Variants in COL13A1 observed in about 807,000 individuals in gnomAD.
The protein encoded by COL13A1 is collagen alpha-1(XIII) chain.
A neutral mutation model predicts 130.9 loss-of-function variants in COL13A1; 89 were observed. The observed-to-expected ratio is 0.68, with a 90% CI of 0.57 to 0.81. COL13A1 has a LOEUF of 0.81. COL13A1 is among the 30% of genes least tolerant of loss of function. The pLI is 0.00. For synonymous variants in COL13A1, 402 were observed against 341.6 expected (o/e 1.18, Z -1.95); for missense variants, 879 against 934.6 (o/e 0.94, Z 0.78).
chr10:69,922,580 A>G, intron 22 of COL13A1, 128 bp from the exon 23 acceptor site: 2 of 560,200 alleles, frequency 3.6e-6, no homozygotes, highest in Non-Finnish European at 6.1e-6. Context: ...GCTGGATCAG[A>G]TAAATCTGGG....
Position 69,898,722 on chromosome 10 carries a change from G to A in COL13A1, c.710G>A (p.Arg237Gln), listed in dbSNP as rs200447906. 1.4e-3 allele frequency: 2,316 copies of A among 1,613,350 alleles called. 5 individuals carry two copies. Among genetic ancestry groups the A allele is most frequent in the Non-Finnish European group, 1.8e-3 (2,127 of 1,179,616 alleles). Reference sequence around the variant, plus strand: ...CTGCTGCCTCTCCTCAATTCAGTGCGACTGGCTCCACCCCCGGTCATAAAA... The same window carrying A: ...CTGCTGCCTCTCCTCAATTCAGTGCAACTGGCTCCACCCCCGGTCATAAAA... Reference protein sequence around the residue: ...HRLLPLLNSVRLAPPPVIKRR... With the variant: ...HRLLPLLNSVQLAPPPVIKRR... Residue 237 changes from arginine to glutamine, a missense_variant, in exon 14 of 41, where the codon CGA becomes CAA. Arg to Gln is a conservative substitution (Grantham distance 43). Coordinates refer to ENST00000645393, the MANE Select transcript of COL13A1 (RefSeq NM_001368882.1).
chr10:69,884,118 G>A (rs1179725395), intron 7 of COL13A1, among the ~76,000 whole-genome samples: 1 of 152,188 alleles, frequency 6.6e-6, no homozygotes, highest in Non-Finnish European at 1.5e-5. Flanking sequence ...TGAGTGTGAT[G>A]AGTTAGAGAT....
chr10:69,872,959 A>C (rs931817595), intron 4 of COL13A1, among the ~76,000 whole-genome samples: 2 of 152,010 alleles, frequency 1.3e-5, no homozygotes, highest in African/African-American at 2.4e-5. Flanking sequence ...TTCAAAACCC[A>C]CCTTTAAAGT....
chr10:69,918,286 G>A lies in COL13A1; in HGVS notation c.968G>A (p.Gly323Glu). 6.2e-7 allele frequency: 1 copy of A among 1,612,796 alleles called. No individual in the cohort carries two copies. Among genetic ancestry groups the A allele is most frequent in the Non-Finnish European group, 8.5e-7 (1 of 1,179,472 alleles). ...PGMPGKHGAK[G>E]APGIAVAGMK... ...CCTTTTTTTTTCTCTCTCTGCCAGG[G>A]GGCGCCCGGAATTGCCGTGGCTGGG... Residue 323 changes from glycine (G) to glutamate (E), a missense_variant and splice_region_variant, in exon 19 of 41, where the codon GGG becomes GAG. Physicochemically the swap from Gly to Glu is moderately conservative, Grantham distance 98. Around this residue, in one of 3 missense-constraint regions of COL13A1, gnomAD observed 715 missense variants for 721.0 expected, o/e 0.99. Coordinates refer to ENST00000645393, the MANE Select transcript of COL13A1 (RefSeq NM_001368882.1).
At chr10:69,884,270 G>A (rs574247222) in intron 7 of COL13A1, among the ~76,000 whole-genome samples, 2 of 152,314 alleles carry the variant, frequency 1.3e-5, no homozygotes, top group Non-Finnish European at 2.9e-5. Context: ...CATGTTGGTA[G>A]CTTGAAATCG....
intron 35 of COL13A1, among the ~76,000 whole-genome samples, chr10:69,943,063 G>A (rs993837206): frequency 6.6e-6 from 1 of 152,172 alleles, no homozygotes; most frequent in East Asian, 1.9e-4. Flanking sequence ...GGCCAGACCG[G>A]TCTTGAACTC....
chr10:69,885,868 C>T (rs559142388), intron 7 of COL13A1, among the ~76,000 whole-genome samples: 47 of 152,264 alleles, frequency 3.1e-4, no homozygotes, highest in African/African-American at 1.1e-3. Flanking sequence ...GATCTCCTCC[C>T]TCGTGCCCTT....
intron 1 of COL13A1, among the ~76,000 whole-genome samples, chr10:69,810,532 G>T (rs548179071): frequency 6.6e-6 from 1 of 152,280 alleles, no homozygotes; most frequent in African/African-American, 2.4e-5. Flanking sequence ...GCACTGGGAG[G>T]TTTGAAGAAG....
chr10:69,929,729 G>A (rs1181002214), intron 28 of COL13A1, among the ~76,000 whole-genome samples: 1 of 152,170 alleles, frequency 6.6e-6, no homozygotes, highest in Admixed American at 6.5e-5. Flanking sequence ...GGGAGCCAAG[G>A]GCGCCTAGGG....
intron 1 of COL13A1, among the ~76,000 whole-genome samples, chr10:69,816,550 T>C (rs1010650129): frequency 5.3e-5 from 8 of 151,996 alleles, no homozygotes; most frequent in African/African-American, 1.9e-4. Flanking sequence ...AGGGAGCCAG[T>C]GTCTAGAGAA....
At chr10:69,809,619 C>T (rs554747803) in intron 1 of COL13A1, among the ~76,000 whole-genome samples, 1 of 152,360 alleles carries the variant, frequency 6.6e-6, no homozygotes, top group Non-Finnish European at 1.5e-5. Context: ...CTAGGATGTA[C>T]TTGTCTGTAT....
rs766688015 is a variant in COL13A1 at position 69,888,307 on chromosome 10, C to T, written c.553C>T (p.Pro185Ser). Residue 185 changes from proline (P) to serine (S), a missense_variant, in exon 9 of 41, where the codon CCC (proline) becomes TCC (serine). Coordinates refer to ENST00000645393, the MANE Select transcript of COL13A1 (RefSeq NM_001368882.1). ...GTRGFPGFPGPIGLDGKPGHP... is the reference protein window; with the variant it reads ...GTRGFPGFPGSIGLDGKPGHP... ...CATCTGGCCTTTCTGGTTTCAGGGTCCCATTGGGCTGGACGGCAAACCGGT... is the reference window on the plus strand; with the variant it reads ...CATCTGGCCTTTCTGGTTTCAGGGTTCCATTGGGCTGGACGGCAAACCGGT... The T allele has an allele frequency of 6.2e-7, 1 of 1,612,964 alleles. No homozygotes were observed. Among genetic ancestry groups the T allele is most frequent in the Non-Finnish European group, 8.5e-7 (1 of 1,179,556 alleles).
At chr10:69,829,262 C>A (rs541444803) in intron 2 of COL13A1, 1 of 985,422 alleles carries the variant, frequency 1.0e-6, no homozygotes, top group East Asian at 1.1e-4. Flanking sequence ...TCCTCCAAAC[C>A]CTTCTTTACA....
intron 2 of COL13A1, among the ~76,000 whole-genome samples, chr10:69,847,270 T>C (rs527850103): frequency 2.0e-5 from 3 of 152,284 alleles, no homozygotes; most frequent in South Asian, 2.1e-4. Flanking sequence ...GGTAATCCCA[T>C]ATGAGTCAGG....
At chr10:69,933,826 T>C (rs925955516) in intron 31 of COL13A1, among the ~76,000 whole-genome samples, 2 of 152,160 alleles carry the variant, frequency 1.3e-5, no homozygotes, top group African/African-American at 4.8e-5. Context: ...GTAATAATAG[T>C]CACCACGTCT....
At position 69,879,006 on chromosome 10, in the gene COL13A1, T is replaced by A. The variant is rs574146937; in HGVS notation, c.462+941T>A. 2.6e-5 allele frequency among the ~76,000 whole-genome samples: 4 copies of A among 152,376 alleles called. No individual in the cohort carries two copies. In the South Asian group the frequency reaches 8.3e-4, roughly 32 times the overall value. The stretch of plus-strand genomic sequence containing the variant: ...CTCAACAATTATAATACAGTTGCCA[T>A]GTATTAAACACAAATTGTGTCAGGT... On this transcript the variant is annotated intron_variant, in intron 6 of 40. Coordinates refer to ENST00000645393, the MANE Select transcript of COL13A1 (RefSeq NM_001368882.1).
At chr10:69,824,674 C>T (rs1677708820) in intron 2 of COL13A1, among the ~76,000 whole-genome samples, 1 of 152,174 alleles carries the variant, frequency 6.6e-6, no homozygotes, top group African/African-American at 2.4e-5. Flanking sequence ...GACCTTGGTC[C>T]TCTGCGGGGA....
intron 2 of COL13A1, among the ~76,000 whole-genome samples, chr10:69,846,320 G>T (rs939265609): frequency 6.6e-6 from 1 of 152,094 alleles, no homozygotes; most frequent in Non-Finnish European, 1.5e-5. Flanking sequence ...AACAGGAAGG[G>T]CCTCTGCCTC....
intron 35 of COL13A1, among the ~76,000 whole-genome samples, chr10:69,941,483 T>C (rs1223734442): frequency 6.6e-6 from 1 of 152,120 alleles, no homozygotes; most frequent in Non-Finnish European, 1.5e-5. Flanking sequence ...CAGCCACCAG[T>C]CTGGTATATG....
Sources: allele counts gnomAD v4.1 joint callset (sites outside exome capture counted in the v4.1 genomes callset), GRCh38; gene constraint gnomAD v4.1.1; regional missense constraint gnomAD v4.1.1; transcripts MANE v1.5; gene names NCBI Gene and HGNC (gene_info 2026-07-23, HGNC 2026-07-21).